The following YIPF1 variants were observed in gnomAD, a reference collection of about 807,000 sequenced individuals.
YIPF1 encodes the protein Yip1 domain family member 1.
A neutral mutation model predicts 37.0 loss-of-function variants in YIPF1; 22 were observed. That is an observed-to-expected ratio of 0.59 (90% CI 0.42 to 0.85). The LOEUF (loss-of-function observed/expected upper bound fraction) is 0.85, where lower values mean the gene tolerates loss of function less well. YIPF1 is among the 40% of genes least tolerant of loss of function. YIPF1 has a pLI of 0.00. For missense variants in YIPF1, 355 were observed against 373.1 expected, an observed-to-expected ratio of 0.95 and a Z score of 0.40; for synonymous variants, 128 against 131.9, an observed-to-expected ratio of 0.97 and a Z score of 0.21.
rs372432634 is a variant in YIPF1 at position 53,878,364 on chromosome 1, G to A, written c.315C>T (p.Pro105=). ...DRIKGSLLPI[P]GKNFVRLYIR... is the part of the protein sequence containing the mutation. ...TATATAACCTCACAAAGTTTTTCCC[G>A]GGTATTGGCAAAAGAGATCCTTTAA... The change falls in exon 6 of 11, where the codon CCC becomes CCT. Residue 105 remains proline, a synonymous_variant. Transcript: ENST00000072644. 82 of 1,613,876 alleles carry A rather than the reference G, an allele frequency of 5.1e-5. 1 individual carries two copies. The highest frequency in any genetic ancestry group is 8.3e-5 in the Admixed American group (5 of 59,990).
chr1:53,878,280 C>G, intron 6 of YIPF1, 35 bp downstream of exon 6: 1 of 1,606,390 alleles, frequency 6.2e-7, no homozygotes, highest in Non-Finnish European at 8.5e-7. Context: ...CCAAGTTCAA[C>G]TGAAATACGG....
At chr1:53,872,199 C>T (rs1650211267) in intron 6 of YIPF1, among the ~76,000 whole-genome samples, 1 of 152,056 alleles carries the variant, frequency 6.6e-6, no homozygotes, top group Non-Finnish European at 1.5e-5. Flanking sequence ...AGATCCACTC[C>T]CTCTCTGTGC....
intron 9 of YIPF1, among the ~76,000 whole-genome samples, chr1:53,862,790 T>C (rs1226747648): frequency 6.6e-6 from 1 of 152,180 alleles, no homozygotes; most frequent in Non-Finnish European, 1.5e-5. Flanking sequence ...GCATATATCA[T>C]TCAATCCTTG....
At chr1:53,871,562 T>G in intron 6 of YIPF1, 74 bp from the exon 7 acceptor site, 1 of 1,212,444 alleles carries the variant, frequency 8.2e-7, no homozygotes, top group Non-Finnish European at 1.2e-6. Flanking sequence ...GAATTTCTTA[T>G]CTTCCTCTTG....
intron 3 of YIPF1, among the ~76,000 whole-genome samples, chr1:53,888,401 A>G (rs1650713300): frequency 6.6e-6 from 1 of 152,216 alleles, no homozygotes. Flanking sequence ...TGAGAGCTTC[A>G]CAAGGAAACT....
At chr1:53,859,185 G>C (rs1037102082) in intron 10 of YIPF1, among the ~76,000 whole-genome samples, 1 of 152,186 alleles carries the variant, frequency 6.6e-6, no homozygotes, top group Non-Finnish European at 1.5e-5. Flanking sequence ...ACCATGCCTT[G>C]TTCTTGTCGA....
chr1:53,864,878 T>C (rs1352467760), intron 9 of YIPF1, among the ~76,000 whole-genome samples: 1 of 152,226 alleles, frequency 6.6e-6, no homozygotes, highest in East Asian at 1.9e-4. Context: ...ATAGATATCA[T>C]TTTATTTGCC....
At position 53,889,256 on chromosome 1, in the gene YIPF1, T is replaced by G. The variant is rs770518063; in HGVS notation, c.-62A>C. ...AATCTCAACTCACTGTGTGAATGTT[T>G]AGAGAGCAGGTGCAGCCTAGAGATG... is the stretch of plus-strand genomic sequence containing the variant. On this transcript the variant is annotated 5_prime_UTR_variant, in exon 2 of 11. Transcript: ENST00000072644. 7.2e-6 allele frequency: 2 copies of G among 279,154 alleles called. No individual in the cohort carries two copies. The highest frequency in any genetic ancestry group is 1.4e-5 in the Non-Finnish European group (2 of 143,306). The allele number at this position is 279,154 out of a possible 1,614,324, so 17.3% of individuals were successfully genotyped here. A position where few individuals can be genotyped will look rare whatever the true frequency, so the allele number is the denominator to read the frequency against.
chr1:53,860,037 TA>T lies in YIPF1; in HGVS notation c.*8+18del. ...TGTTTTATGGCACCACACAGCAAAA[TA>T]AAAATAGAATCTCTTACTTTCCTCA... On this transcript the variant is annotated intron_variant, in intron 10 of 10. Transcript: ENST00000072644. 3.1e-6 allele frequency: 5 copies of T among 1,612,716 alleles called. No homozygotes were observed. The highest frequency in any genetic ancestry group is 4.2e-6 in the Non-Finnish European group (5 of 1,179,018).
chr1:53,866,072 T>G, intron 9 of YIPF1, 128 bp downstream of exon 9: 1 of 1,230,452 alleles, frequency 8.1e-7, no homozygotes, highest in Non-Finnish European at 1.1e-6. Context: ...AGTATTGGGA[T>G]TATGGGTGTG....
intron 4 of YIPF1, 92 bp from the exon 5 acceptor site, chr1:53,878,814 A>G: frequency 8.2e-7 from 1 of 1,219,170 alleles, no homozygotes; most frequent in Non-Finnish European, 1.1e-6. Flanking sequence ...CTAATGGAAA[A>G]GCAAAACGTT....
intron 3 of YIPF1, chr1:53,886,785 A>C (rs913416116): frequency 3.3e-5 from 5 of 151,920 alleles, no homozygotes; most frequent in Non-Finnish European, 7.3e-5. Context: ...CTGTCTTTAA[A>C]CTTTCTTGCA....
Position 53,870,160 on chromosome 1 carries a change from C to CTCTTTTTTT in YIPF1, c.481+1211_481+1212insAAAAAAAGA, listed in dbSNP as rs1557605849. 3.7e-3 allele frequency among the ~76,000 whole-genome samples: 340 copies of CTCTTTTTTT among 91,210 alleles called. 46 individuals are homozygous for CTCTTTTTTT. The highest frequency in any genetic ancestry group is 0.015 in the African/African-American group (329 of 22,612). 59.8% of individuals were successfully genotyped at this position (91,210 alleles called of 152,430 possible). A position where few individuals can be genotyped will look rare whatever the true frequency, so the allele number is the denominator to read the frequency against. ...AGGCTTGAGCCACCGCACCGGGTCT[C>CTCTTTTTTT]TTTTTTTTTTTTTTTTTTTTTTTTT... On this transcript the variant is annotated intron_variant, in intron 7 of 10. Transcript: ENST00000072644.
chr1:53,856,620 G>A (rs1446458917), intron 10 of YIPF1, among the ~76,000 whole-genome samples: 1 of 152,124 alleles, frequency 6.6e-6, no homozygotes, highest in Non-Finnish European at 1.5e-5. Context: ...TTATGACCCA[G>A]TTCAAACAAG....
rs141155004 is a variant in YIPF1, at chr1:53,877,930, C to A, written c.364+385G>T. Among the ~76,000 whole-genome samples the A allele has an allele frequency of 1.3e-3, 192 of 152,280 alleles. 2 individuals are homozygous for A. In the East Asian group the frequency reaches 0.036, roughly 28 times the overall value. On this transcript the variant is annotated intron_variant, in intron 6 of 10. Coordinates refer to ENST00000072644, the MANE Select transcript of YIPF1 (RefSeq NM_018982.5). Reference sequence around the variant, plus strand: ...TTGGCCTCCCAAAGTGTTGGGATTACAGGCGGCAGCCACTGTGCCAACCCA... The same window carrying A: ...TTGGCCTCCCAAAGTGTTGGGATTAAAGGCGGCAGCCACTGTGCCAACCCA...
At chr1:53,886,085 A>G (rs1569660577) in intron 3 of YIPF1, among the ~76,000 whole-genome samples, 1 of 151,900 alleles carries the variant, frequency 6.6e-6, no homozygotes, top group Non-Finnish European at 1.5e-5. Flanking sequence ...TAGAAGCACA[A>G]AGGTCAAAAA....
intron 3 of YIPF1, among the ~76,000 whole-genome samples, chr1:53,888,417 G>A (rs1025061148): frequency 1.3e-5 from 2 of 152,134 alleles, no homozygotes; most frequent in African/African-American, 2.4e-5. Flanking sequence ...AAACTATTTT[G>A]TTCACTCTTC....
intron 6 of YIPF1, among the ~76,000 whole-genome samples, chr1:53,871,758 T>C (rs1480160040): frequency 6.6e-6 from 1 of 152,178 alleles, no homozygotes; most frequent in Non-Finnish European, 1.5e-5. Flanking sequence ...CACTGATTTC[T>C]GTATAGCTTC....
intron 9 of YIPF1, among the ~76,000 whole-genome samples, chr1:53,862,265 G>T (rs1649903175): frequency 6.6e-6 from 1 of 152,168 alleles, no homozygotes; most frequent in Non-Finnish European, 1.5e-5. Context: ...TCTGAGCTAG[G>T]ATTTCAATCC....
Sources: gnomAD v4.1 joint callset for allele counts (sites outside exome capture counted in the v4.1 genomes callset) on GRCh38, gnomAD v4.1.1 for gene constraint, MANE v1.5 for transcripts, NCBI Gene and HGNC (gene_info 2026-07-23, HGNC 2026-07-21) for gene names.